The following MCTP1 variants were observed in gnomAD, a reference collection of about 807,000 sequenced individuals.
MCTP1 encodes the protein multiple C2 and transmembrane domain containing 1.
MCTP1 carries 69 observed loss-of-function variants against 120.6 expected under a neutral mutation model. That is an observed-to-expected ratio of 0.57 (90% CI 0.47 to 0.70). The LOEUF (loss-of-function observed/expected upper bound fraction) is 0.70. MCTP1 is among the 30% of genes least tolerant of loss of function. The pLI is 0.00. For missense variants in MCTP1, 1,203 were observed against 1,248.8 expected, an observed-to-expected ratio of 0.96 and a Z score of 0.55; for synonymous variants, 529 against 493.1, an observed-to-expected ratio of 1.07 and a Z score of -0.96.
At chr5:94,833,757 G>A (rs911499102) in intron 17 of MCTP1, among the ~76,000 whole-genome samples, 1 of 152,098 alleles carries the variant, frequency 6.6e-6, no homozygotes. Flanking sequence ...CAAAATAAAG[G>A]TTAAAAAAGT....
chr5:94,815,560 CTTTCA>C (rs1784342496), intron 17 of MCTP1, among the ~76,000 whole-genome samples: 2 of 152,312 alleles, frequency 1.3e-5, no homozygotes, highest in African/African-American at 2.4e-5. Context: ...CATTGCACTT[CTTTCA>C]TTTATGTCTT....
intron 19 of MCTP1, among the ~76,000 whole-genome samples, chr5:94,778,586 G>A (rs1775921604): frequency 1.3e-5 from 2 of 152,170 alleles, no homozygotes; most frequent in South Asian, 4.1e-4. Flanking sequence ...TCCTAATGGA[G>A]AAACCACGTG....
intron 10 of MCTP1, among the ~76,000 whole-genome samples, chr5:94,902,781 T>C (rs1023800606): frequency 6.6e-6 from 1 of 152,214 alleles, no homozygotes; most frequent in Admixed American, 6.5e-5. Context: ...ATTGCCTTTC[T>C]GTTGTTAGAA....
At chr5:95,280,833 C>T (rs113663003) in intron 1 of MCTP1, among the ~76,000 whole-genome samples, 1 of 152,130 alleles carries the variant, frequency 6.6e-6, no homozygotes, top group Admixed American at 6.5e-5. Context: ...CATATATACC[C>T]GTGACTCCCA....
chr5:95,107,834 A>C (rs2093828598), intron 1 of MCTP1, among the ~76,000 whole-genome samples: 1 of 152,170 alleles, frequency 6.6e-6, no homozygotes, highest in African/African-American at 2.4e-5. Context: ...ATTGTTTTTC[A>C]AGTTTGGATT....
At chr5:95,269,676 T>C (rs1053482018) in intron 1 of MCTP1, among the ~76,000 whole-genome samples, 1 of 152,230 alleles carries the variant, frequency 6.6e-6, no homozygotes, top group Admixed American at 6.5e-5. Context: ...GGCGTGGTGA[T>C]GTGGCCTCAC....
intron 1 of MCTP1, among the ~76,000 whole-genome samples, chr5:95,144,276 T>G (rs980954809): frequency 6.6e-6 from 1 of 152,202 alleles, no homozygotes; most frequent in African/African-American, 2.4e-5. Flanking sequence ...TGTTTGTGGA[T>G]TTAAGTTCCT....
chr5:94,973,002 T>C (rs968086846), intron 2 of MCTP1, among the ~76,000 whole-genome samples: 14 of 152,136 alleles, frequency 9.2e-5, no homozygotes, highest in African/African-American at 3.4e-4. Context: ...GTGTGCCTTG[T>C]GCTTTTAATA....
intron 1 of MCTP1, among the ~76,000 whole-genome samples, chr5:95,018,270 A>G (rs1294682629): frequency 6.6e-6 from 1 of 152,070 alleles, no homozygotes; most frequent in African/African-American, 2.4e-5. Context: ...CTGCCACTCT[A>G]TACAATAGGA....
intron 1 of MCTP1, among the ~76,000 whole-genome samples, chr5:95,191,001 C>A (rs556749803): frequency 2.2e-4 from 34 of 151,888 alleles, no homozygotes; most frequent in African/African-American, 8.0e-4. Flanking sequence ...AAGACTTGTA[C>A]AATTAAATAA....
chr5:95,085,237 C>T (rs1310367559), intron 1 of MCTP1, among the ~76,000 whole-genome samples: 1 of 152,018 alleles, frequency 6.6e-6, no homozygotes, highest in Non-Finnish European at 1.5e-5. Flanking sequence ...TAAACGCCCT[C>T]CTGAGTTGGC....
At chr5:95,094,969 C>A (rs979762577) in intron 1 of MCTP1, among the ~76,000 whole-genome samples, 2 of 149,070 alleles carry the variant, frequency 1.3e-5, no homozygotes, top group Non-Finnish European at 3.0e-5. Flanking sequence ...TACTTCTGCC[C>A]AAGGCAAGCT....
chr5:95,208,628 C>T (rs1277555663), intron 1 of MCTP1, among the ~76,000 whole-genome samples: 1 of 151,894 alleles, frequency 6.6e-6, no homozygotes, highest in Non-Finnish European at 1.5e-5. Context: ...GGAACTTCAA[C>T]CAGCCCTCAA....
At chr5:95,241,524 T>A (rs1175371263) in intron 1 of MCTP1, among the ~76,000 whole-genome samples, 3 of 152,220 alleles carry the variant, frequency 2.0e-5, no homozygotes, top group Non-Finnish European at 4.4e-5. Context: ...AGCCTCATCC[T>A]GCTAAAGCTT....
intron 1 of MCTP1, among the ~76,000 whole-genome samples, chr5:95,153,469 G>T (rs1051540580): frequency 2.0e-5 from 3 of 152,178 alleles, no homozygotes; most frequent in Non-Finnish European, 4.4e-5. Flanking sequence ...AGTTCAACTA[G>T]CAGGCCCAGC....
At chr5:94,953,965 A>AATAT (rs1214115318) in intron 2 of MCTP1, among the ~76,000 whole-genome samples, 1 of 89,338 alleles carries the variant, frequency 1.1e-5, no homozygotes, top group Non-Finnish European at 2.1e-5. Context: ...TATATATACA[A>AATAT]ATATATATAT....
At chr5:94,739,457 A>T (rs1196547678) in intron 19 of MCTP1, 1 of 152,144 alleles carries the variant, frequency 6.6e-6, no homozygotes, top group African/African-American at 2.4e-5. Flanking sequence ...ATGGAATTAC[A>T]AAATGTATTG....
chr5:95,272,514 C>A (rs1019647714), intron 1 of MCTP1, among the ~76,000 whole-genome samples: 1 of 152,212 alleles, frequency 6.6e-6, no homozygotes, highest in Non-Finnish European at 1.5e-5. Context: ...TACAAAGATC[C>A]TCTCATGGCA....
intron 1 of MCTP1, among the ~76,000 whole-genome samples, chr5:95,278,728 C>T (rs1041112485): frequency 1.3e-5 from 2 of 151,650 alleles, no homozygotes; most frequent in South Asian, 2.1e-4. Context: ...CTTGGGAGGC[C>T]GAGGTGAGCG....
Sources: gnomAD v4.1 joint callset for allele counts (sites outside exome capture counted in the v4.1 genomes callset) on GRCh38, gnomAD v4.1.1 for gene constraint, MANE v1.5 for transcripts, NCBI Gene and HGNC (gene_info 2026-07-23, HGNC 2026-07-21) for gene names.